The following SLC6A13 variants were observed in gnomAD, a reference collection of about 807,000 sequenced individuals.
The protein encoded by SLC6A13 is solute carrier family 6 member 13, also known as sodium- and chloride-dependent GABA transporter 2.
SLC6A13 carries 69 observed loss-of-function variants against 72.9 expected under a neutral mutation model. The ratio of observed to expected loss-of-function variants is 0.95; its 90% CI spans 0.78 to 1.16. The LOEUF (loss-of-function observed/expected upper bound fraction) is 1.16. Ranked by LOEUF, SLC6A13 falls within the 50% of genes most tolerant of loss-of-function variation. The pLI, the probability that SLC6A13 is intolerant of heterozygous loss-of-function variation, is 0.00. For synonymous variants in SLC6A13, 303 were observed against 303.0 expected (o/e 1.00, Z 0.00); for missense variants, 735 against 760.5 (o/e 0.97, Z 0.39).
intron 7 of SLC6A13, among the ~76,000 whole-genome samples, chr12:230,605 G>T (rs1171129746): frequency 6.6e-6 from 1 of 152,124 alleles, no homozygotes; most frequent in Non-Finnish European, 1.5e-5. Context: ...ATAAAAAGCA[G>T]CTCTTAAAAC....
chr12:235,158 A>G lies in SLC6A13; in HGVS notation c.763T>C (p.Leu255=). 6.2e-7 allele frequency: 1 copy of G among 1,614,162 alleles called. No individual in the cohort carries two copies. The highest frequency in any genetic ancestry group is 1.1e-5 in the South Asian group (1 of 91,088). Residue 255 remains leucine (L), a synonymous_variant, in exon 7 of 15, where the codon TTG becomes CTG. Transcript: ENST00000343164. ...TGAATTCCTTGGGCTGCCCCAGGCA[A>G]CGTCACCCCTCGAATTAACAGGACC... The part of the protein sequence containing the change: ...LVVLLIRGVT[L]PGAAQGIQFY...
intron 8 of SLC6A13, 71 bp downstream of exon 8, chr12:227,475 ATGCACCCTCCAACTCACCC>A: frequency 6.3e-7 from 1 of 1,577,706 alleles, no homozygotes; most frequent in Non-Finnish European, 8.6e-7. Flanking sequence ...CCAGGAGCTG[ATGCACCCTCCAACTCACCC>A]TCGTCTAGCG....
In SLC6A13 at chr12:227,519, G is replaced by C. The variant is rs199704724; in HGVS notation, c.935+46C>G. ...CTCGTCTAGCGTGGCTGGAAGGACAGTAGAGAGATGCAGGTGTGTGGCTCA... is the reference window on the plus strand; with the variant it reads ...CTCGTCTAGCGTGGCTGGAAGGACACTAGAGAGATGCAGGTGTGTGGCTCA... On this transcript the variant is annotated intron_variant, in intron 8 of 14. Coordinates refer to ENST00000343164, the MANE Select transcript of SLC6A13 (RefSeq NM_016615.5). 5.0e-6 allele frequency: 8 copies of C among 1,611,382 alleles called. No homozygotes were observed. In the Admixed American group the frequency reaches 8.4e-5, roughly 17 times the overall value.
intron 7 of SLC6A13, among the ~76,000 whole-genome samples, chr12:230,131 C>T (rs1009988890): frequency 1.3e-5 from 2 of 151,930 alleles, no homozygotes; most frequent in African/African-American, 4.8e-5. Flanking sequence ...CCACCACAGG[C>T]GACCACTCCC....
chr12:253,154 T>G (rs1942613297), intron 2 of SLC6A13, among the ~76,000 whole-genome samples: 1 of 152,240 alleles, frequency 6.6e-6, no homozygotes, highest in Non-Finnish European at 1.5e-5. Context: ...CTCCGTGAGA[T>G]AGGAGAGACC....
At chr12:260,652 T>G (rs568301761) in intron 1 of SLC6A13, among the ~76,000 whole-genome samples, 26 of 151,836 alleles carry the variant, frequency 1.7e-4, no homozygotes, top group African/African-American at 6.1e-4. Context: ...TATAATGGAC[T>G]ACTATATATA....
chr12:228,423 G>C (rs1048957058), intron 7 of SLC6A13, among the ~76,000 whole-genome samples: 4 of 152,074 alleles, frequency 2.6e-5, no homozygotes, highest in African/African-American at 4.8e-5. Flanking sequence ...CTGGCGACGT[G>C]AGCACAACCA....
intron 4 of SLC6A13, among the ~76,000 whole-genome samples, chr12:241,502 G>A (rs1473984296): frequency 6.6e-6 from 1 of 152,156 alleles, no homozygotes; most frequent in African/African-American, 2.4e-5. Context: ...ACCTGTGGCT[G>A]TTTAAGTTAA....
At chr12:224,177 G>C (rs756194050) in intron 10 of SLC6A13, 48 bp from the exon 11 acceptor site, 1 of 1,610,366 alleles carries the variant, frequency 6.2e-7, no homozygotes, top group African/African-American at 1.3e-5. Flanking sequence ...CTCCCGAGAT[G>C]CCCTGTCCAT....
intron 3 of SLC6A13, among the ~76,000 whole-genome samples, 176 bp downstream of exon 3, chr12:243,503 C>T (rs947716507): frequency 2.6e-5 from 4 of 152,210 alleles, no homozygotes; most frequent in African/African-American, 9.6e-5. Context: ...GTTTCTTGCC[C>T]ATTCTCTGAT....
At chr12:224,257 C>T (rs1381799763) in intron 10 of SLC6A13, 128 bp from the exon 11 acceptor site, 5 of 1,422,860 alleles carry the variant, frequency 3.5e-6, no homozygotes, top group Non-Finnish European at 4.9e-6. Flanking sequence ...GAGCTATTGT[C>T]CTTGCCTGGT....
intron 4 of SLC6A13, among the ~76,000 whole-genome samples, chr12:241,991 A>G (rs7312499): frequency 0.026 from 3,993 of 152,348 alleles, 183 homozygotes; most frequent in African/African-American, 0.09. Context: ...AAGTGCCTAC[A>G]GTGTTCGGCA....
intron 7 of SLC6A13, among the ~76,000 whole-genome samples, chr12:234,240 GA>G (rs2137277604): frequency 6.6e-6 from 1 of 152,330 alleles, no homozygotes; most frequent in Admixed American, 6.5e-5. Flanking sequence ...CATGCTGAAA[GA>G]CACTCCCACC....
At chr12:225,952 T>C (rs57582163) in intron 9 of SLC6A13, among the ~76,000 whole-genome samples, 2,285 of 152,326 alleles carry the variant, frequency 0.015, 52 homozygotes, top group African/African-American at 0.051. Context: ...AAACTTCGCC[T>C]TGAGATTCAT....
Position 220,882 on chromosome 12 carries a change from C to A in SLC6A13, c.*66G>T. ...GGCAGGGAAGCACATGGGGCTGCTTCTGCCACGTTCCCTCCACAGCCATCC... is the reference window on the plus strand; with the variant it reads ...GGCAGGGAAGCACATGGGGCTGCTTATGCCACGTTCCCTCCACAGCCATCC... On this transcript the variant is annotated 3_prime_UTR_variant, in exon 15 of 15. Coordinates refer to ENST00000343164, the MANE Select transcript of SLC6A13 (RefSeq NM_016615.5). The A allele has an allele frequency of 6.3e-7, 1 of 1,594,036 alleles. No homozygotes were observed. Among genetic ancestry groups the A allele is most frequent in the Non-Finnish European group, 8.5e-7 (1 of 1,173,804 alleles).
intron 9 of SLC6A13, among the ~76,000 whole-genome samples, chr12:224,755 G>A (rs959459816): frequency 2.0e-5 from 3 of 152,242 alleles, no homozygotes; most frequent in African/African-American, 7.2e-5. Flanking sequence ...AGAGACGGTA[G>A]GTGTAGAGGG....
In SLC6A13 at chr12:222,551, A is replaced by G. The variant is rs752471819; in HGVS notation, c.1496T>C (p.Leu499Pro). Residue 499 changes from leucine (L) to proline (P), a missense_variant, in exon 13 of 15, where the codon CTC (leucine) becomes CCC (proline). Coordinates refer to ENST00000343164, the MANE Select transcript of SLC6A13 (RefSeq NM_016615.5). ...WPLIKYCWLF[L>P]TPAVCTATFL... ...TCTTACTGTGCACACAGCTGGTGTG[A>G]GGAAGAGCCAACAGTATTTGATAAG... The G allele has an allele frequency of 5.0e-6, 8 of 1,606,712 alleles. No homozygotes were observed. The South Asian group carries it at 8.9e-5, about 18-fold the overall frequency.
In SLC6A13 at chr12:220,972, G is replaced by C. The variant is rs779814419; in HGVS notation, c.1785C>G (p.Leu595=). ...CCTAGCAGTGAGACTCTAGCTCTGT[G>C]AGTCTGAGCAGTGAGGTCCTGGGGG... ...PATPRTSLLR[L]TELESHC Residue 595 remains leucine, a synonymous_variant, in exon 15 of 15, where the codon CTC becomes CTG. Coordinates refer to ENST00000343164, the MANE Select transcript of SLC6A13 (RefSeq NM_016615.5). 3.7e-6 allele frequency: 6 copies of C among 1,613,020 alleles called. No homozygotes were observed. In the South Asian group the frequency reaches 6.6e-5, roughly 18 times the overall value.
At chr12:260,096 C>G (rs529551727) in intron 1 of SLC6A13, 39 bp from the exon 2 acceptor site, 5 of 1,588,252 alleles carry the variant, frequency 3.1e-6, no homozygotes, top group Admixed American at 1.7e-5. Flanking sequence ...TGTTGGGAAC[C>G]CCAGAAGGAA....
Sources: allele counts gnomAD v4.1 joint callset (sites outside exome capture counted in the v4.1 genomes callset), GRCh38; gene constraint gnomAD v4.1.1; transcripts MANE v1.5; gene names NCBI Gene and HGNC (gene_info 2026-07-23, HGNC 2026-07-21).